Variants in GPC6 observed in about 807,000 individuals in gnomAD.
GPC6 encodes the protein glypican-6.
In GPC6, 14 loss-of-function variants were observed where a neutral mutation model predicts 55.2. That is an observed-to-expected ratio of 0.25 (90% CI 0.17 to 0.40). The LOEUF is 0.40. Among genes scored for constraint, GPC6 ranks in the 10% least tolerant of loss-of-function variants. The probability of loss-of-function intolerance (pLI) is 1.00; values close to 1 mark genes in which losing one functional copy is unlikely to be tolerated. For missense variants in GPC6, 641 were observed against 708.5 expected, an observed-to-expected ratio of 0.90 and a Z score of 1.08; for synonymous variants, 278 against 259.6, an observed-to-expected ratio of 1.07 and a Z score of -0.68.
At chr13:93,499,606 C>G (rs1880448786) in intron 1 of GPC6, among the ~76,000 whole-genome samples, 2 of 152,216 alleles carry the variant, frequency 1.3e-5, no homozygotes, top group Non-Finnish European at 2.9e-5. Context: ...GCTTCTCCTG[C>G]ATGTGGGAGG....
chr13:93,848,820 CAG>C (rs1337719021), intron 3 of GPC6, among the ~76,000 whole-genome samples: 1 of 152,062 alleles, frequency 6.6e-6, no homozygotes, highest in Non-Finnish European at 1.5e-5. Context: ...TAATTTTTAT[CAG>C]AGTTTCTTTG....
chr13:93,295,671 C>T (rs573073189), intron 1 of GPC6, among the ~76,000 whole-genome samples: 5 of 151,790 alleles, frequency 3.3e-5, no homozygotes, highest in East Asian at 1.9e-4. Flanking sequence ...TTAGTAGAGA[C>T]GGGGTTTCAC....
At chr13:94,135,100 G>A (rs975188547) in intron 4 of GPC6, among the ~76,000 whole-genome samples, 5 of 152,118 alleles carry the variant, frequency 3.3e-5, no homozygotes, top group African/African-American at 1.2e-4. Flanking sequence ...AAGTCCCTTT[G>A]AGACTCATTG....
Position 93,998,770 on chromosome 13 carries a change from G to GTA in GPC6, c.712-28948_712-28947dup, listed in dbSNP as rs372041742. Among the ~76,000 whole-genome samples the GTA allele has an allele frequency of 9.0e-3, 1,357 of 151,486 alleles. 5 individuals are homozygous for GTA. Among genetic ancestry groups the GTA allele is most frequent in the Non-Finnish European group, 0.014 (961 of 67,846 alleles). On this transcript the variant is annotated intron_variant, in intron 3 of 8. Transcript: ENST00000377047. ...ATGATGTTTTGAAATATATATGTGT[G>GTA]TATATATATATAATGGAATGGCTAA...
chr13:93,571,106 C>T (rs957253906), intron 2 of GPC6, among the ~76,000 whole-genome samples: 2 of 151,992 alleles, frequency 1.3e-5, no homozygotes, highest in African/African-American at 4.8e-5. Context: ...GAATATTGTT[C>T]TAATATCAGC....
At chr13:93,714,703 G>GA (rs1299336180) in intron 2 of GPC6, among the ~76,000 whole-genome samples, 13 of 151,758 alleles carry the variant, frequency 8.6e-5, no homozygotes, top group Non-Finnish European at 4.4e-5. Context: ...ATCACAAGGA[G>GA]AAAGCCAAAG....
At chr13:94,036,409 A>C (rs1012821011) in intron 4 of GPC6, among the ~76,000 whole-genome samples, 1 of 152,058 alleles carries the variant, frequency 6.6e-6, no homozygotes, top group Non-Finnish European at 1.5e-5. Context: ...TTAGAAAGAG[A>C]AATGAAAAGT....
At chr13:94,332,997 G>A (rs896861521) in intron 6 of GPC6, among the ~76,000 whole-genome samples, 1 of 152,176 alleles carries the variant, frequency 6.6e-6, no homozygotes, top group African/African-American at 2.4e-5. Context: ...ATTTTCCCAG[G>A]GGCGATAGAT....
At chr13:93,775,079 C>T (rs1044290491) in intron 2 of GPC6, among the ~76,000 whole-genome samples, 2 of 152,194 alleles carry the variant, frequency 1.3e-5, no homozygotes, top group Admixed American at 1.3e-4. Flanking sequence ...GTGATAACAA[C>T]ACGTTCTGTA....
intron 2 of GPC6, among the ~76,000 whole-genome samples, chr13:93,623,124 T>C (rs748629277): frequency 9.9e-5 from 15 of 152,210 alleles, no homozygotes; most frequent in Non-Finnish European, 1.6e-4. Context: ...TATTCCATTG[T>C]GTATTCATGC....
intron 2 of GPC6, among the ~76,000 whole-genome samples, chr13:93,777,654 T>C (rs1279389437): frequency 3.9e-5 from 6 of 152,194 alleles, no homozygotes; most frequent in Admixed American, 3.9e-4. Context: ...CATTATTTTA[T>C]AGGTTTACGT....
At chr13:93,512,588 T>C (rs1881023364) in intron 1 of GPC6, among the ~76,000 whole-genome samples, 1 of 152,146 alleles carries the variant, frequency 6.6e-6, no homozygotes, top group Non-Finnish European at 1.5e-5. Flanking sequence ...GATTTTTACA[T>C]CTATGTTCAT....
At chr13:94,201,992 A>G (rs1889765317) in intron 4 of GPC6, among the ~76,000 whole-genome samples, 1 of 152,146 alleles carries the variant, frequency 6.6e-6, no homozygotes, top group South Asian at 2.1e-4. Context: ...GCTAAATAGG[A>G]GAAAAACCTT....
chr13:93,335,258 T>G (rs1289237972), intron 1 of GPC6, among the ~76,000 whole-genome samples: 3 of 152,354 alleles, frequency 2.0e-5, no homozygotes, highest in South Asian at 2.1e-4. Flanking sequence ...GCTAACACAA[T>G]AGTTAATACT....
intron 4 of GPC6, among the ~76,000 whole-genome samples, chr13:94,127,144 C>A (rs2138860908): frequency 6.6e-6 from 1 of 152,092 alleles, no homozygotes; most frequent in South Asian, 2.1e-4. Context: ...TCCATAATCA[C>A]CCTGTATTGT....
chr13:94,079,199 C>T (rs369564749), intron 4 of GPC6, among the ~76,000 whole-genome samples: 9 of 151,940 alleles, frequency 5.9e-5, no homozygotes, highest in Non-Finnish European at 8.8e-5. Context: ...TGAGAAATGG[C>T]GGATTTTTAT....
At position 94,365,716 on chromosome 13, in the gene GPC6, T is replaced by C. The variant is rs1042062343; in HGVS notation, c.1153-16698T>C. ...AATGTGTGTACATCCTTGTGGGTAC[T>C]CTCACTGTTGGATGGAATCATGTTT... On this transcript the variant is annotated intron_variant, in intron 6 of 8. Transcript: ENST00000377047. 1.5e-4 allele frequency among the ~76,000 whole-genome samples: 23 copies of C among 152,228 alleles called. 1 individual carries two copies. Among genetic ancestry groups the C allele is most frequent in the Non-Finnish European group, 3.2e-4 (22 of 68,038 alleles).
At chr13:94,333,020 G>T (rs1877504062) in intron 6 of GPC6, among the ~76,000 whole-genome samples, 2 of 152,220 alleles carry the variant, frequency 1.3e-5, no homozygotes. Context: ...GGGATTTAGA[G>T]ATGAAATTGG....
chr13:93,994,288 T>C (rs1881440566), intron 3 of GPC6, among the ~76,000 whole-genome samples: 1 of 152,206 alleles, frequency 6.6e-6, no homozygotes, highest in Non-Finnish European at 1.5e-5. Context: ...CCTCTTGCTC[T>C]GGGAATAGCA....
Sources: allele counts gnomAD v4.1 joint callset (sites outside exome capture counted in the v4.1 genomes callset), GRCh38; gene constraint gnomAD v4.1.1; transcripts MANE v1.5; gene names NCBI Gene and HGNC (gene_info 2026-07-23, HGNC 2026-07-21).